NR2C1: variants seen among roughly 807,000 people sequenced by gnomAD.
The protein encoded by NR2C1 is TR2 nuclear hormone receptor.
In NR2C1, 33 loss-of-function variants were observed where a neutral mutation model predicts 74.8. The ratio of observed to expected loss-of-function variants is 0.44; its 90% CI spans 0.33 to 0.59. NR2C1 has a LOEUF of 0.59. Among genes scored for constraint, NR2C1 ranks in the 20% least tolerant of loss-of-function variants. NR2C1 has a pLI of 0.02. For synonymous variants in NR2C1, 225 were observed against 240.6 expected (o/e 0.94, Z 0.60); for missense variants, 568 against 715.6 (o/e 0.79, Z 2.35).
intron 3 of NR2C1, among the ~76,000 whole-genome samples, chr12:95,061,311 A>G (rs905396811): frequency 6.6e-6 from 1 of 152,226 alleles, no homozygotes; most frequent in Non-Finnish European, 1.5e-5. Context: ...TTCAGTTAAC[A>G]ATGTATCAGT....
intron 10 of NR2C1, among the ~76,000 whole-genome samples, chr12:95,034,226 A>G (rs1475786666): frequency 1.3e-5 from 2 of 152,190 alleles, no homozygotes; most frequent in African/African-American, 4.8e-5. Context: ...TTTTAACTTC[A>G]GGCTGATCTC....
chr12:95,045,040 C>A (rs889126037), intron 9 of NR2C1, among the ~76,000 whole-genome samples: 2 of 152,164 alleles, frequency 1.3e-5, no homozygotes, highest in Admixed American at 1.3e-4. Context: ...CTCATCTCCA[C>A]ACAAATAGAA....
chr12:95,049,152 A>G lies in NR2C1; in HGVS notation c.1047T>C (p.Ser349=), dbSNP rs767151002. 1 of 1,613,940 alleles carries G rather than the reference A, an allele frequency of 6.2e-7. No homozygotes were observed. Among genetic ancestry groups the G allele is most frequent in the African/African-American group, 1.3e-5 (1 of 74,904 alleles). ...TTGAATCTCCAGTGATTAGGTGTACACTTCCTTCCATGCCCGCTACTGAGC... is the reference window on the plus strand; with the variant it reads ...TTGAATCTCCAGTGATTAGGTGTACGCTTCCTTCCATGCCCGCTACTGAGC... ...CQSSVAGMEG[S]VHLITGDSSI... The change falls in exon 9 of 14, where the codon AGT becomes AGC. Residue 349 remains serine, a synonymous_variant. Transcript: ENST00000333003.
At chr12:95,057,496 T>A (rs1289751571) in intron 7 of NR2C1, 57 bp downstream of exon 7, 1 of 1,276,988 alleles carries the variant, frequency 7.8e-7, no homozygotes, top group African/African-American at 1.5e-5. Context: ...AGGAAGTGAT[T>A]AGAAAACATT....
chr12:95,031,413 T>C lies in NR2C1; in HGVS notation c.1329A>G (p.Gln443=). Residue 443 remains glutamine (Q), a synonymous_variant, in exon 11 of 14, where the codon CAA becomes CAG. Coordinates refer to ENST00000333003, the MANE Select transcript of NR2C1 (RefSeq NM_003297.4). ...LFTLGLAQCW[Q]VMNVATILAT... ...CTAATATAGTTGCTACATTCATCACTTGCCAGCACTGGGCAAGACCAAGAG... is the reference window on the plus strand; with the variant it reads ...CTAATATAGTTGCTACATTCATCACCTGCCAGCACTGGGCAAGACCAAGAG... 3.1e-6 allele frequency: 5 copies of C among 1,608,542 alleles called. No homozygotes were observed. Among genetic ancestry groups the C allele is most frequent in the South Asian group, 1.1e-5 (1 of 90,064 alleles).
At chr12:95,054,670 A>C (rs1873565050) in intron 7 of NR2C1, among the ~76,000 whole-genome samples, 2 of 152,220 alleles carry the variant, frequency 1.3e-5, no homozygotes, top group Non-Finnish European at 2.9e-5. Flanking sequence ...CATTAGTTAC[A>C]ATTTTAAATG....
At chr12:95,070,259 G>C (rs575317604) in intron 1 of NR2C1, among the ~76,000 whole-genome samples, 1 of 152,190 alleles carries the variant, frequency 6.6e-6, no homozygotes, top group East Asian at 1.9e-4. Context: ...AGCCTCCCGA[G>C]TAGCTGGGAT....
Position 95,062,639 on chromosome 12 carries a change from A to G in NR2C1, c.154T>C (p.Ser52Pro), listed in dbSNP as rs776254333. The part of the protein sequence containing the change: ...KQFILTNHDG[S>P]TPSKVILARQ... ...GCCAGAATGACTTTGCTTGGAGTAG[A>G]GCCGTCGTGATTTGTCAGAATGAAC... is the stretch of plus-strand genomic sequence containing the variant. Residue 52 changes from serine to proline, a missense_variant, in exon 3 of 14, where the codon TCT (serine) becomes CCT (proline). By Grantham distance (74) the Ser-to-Pro change is moderately conservative (BLOSUM62 -1). Transcript: ENST00000333003. 1.4e-5 allele frequency: 22 copies of G among 1,614,124 alleles called. No homozygotes were observed. The South Asian group carries it at 1.4e-4, about 10-fold the overall frequency.
rs576068607 is a variant in NR2C1 at position 95,053,158 on chromosome 12, G to A, written c.784-1215C>T. Among the ~76,000 whole-genome samples the A allele has an allele frequency of 7.9e-5, 12 of 152,040 alleles. No individual in the cohort carries two copies. The South Asian group carries it at 2.3e-3, about 29-fold the overall frequency. On this transcript the variant is annotated intron_variant, in intron 7 of 13. Transcript: ENST00000333003. ...CCAGCTAATTTTTTAATTTTTTGTAGAGATGGGGTTTCATCATGTTGCCCA... is the reference window on the plus strand; with the variant it reads ...CCAGCTAATTTTTTAATTTTTTGTAAAGATGGGGTTTCATCATGTTGCCCA...
At chr12:95,033,161 A>G (rs550078756) in intron 10 of NR2C1, among the ~76,000 whole-genome samples, 2 of 152,244 alleles carry the variant, frequency 1.3e-5, no homozygotes, top group South Asian at 4.1e-4. Context: ...AAAAAAAAAA[A>G]AAATTGAGAA....
Position 95,065,980 on chromosome 12 carries a change from T to A in NR2C1, c.54+1351A>T, listed in dbSNP as rs181432029. 2.0e-4 allele frequency among the ~76,000 whole-genome samples: 30 copies of A among 151,978 alleles called. No individual in the cohort carries two copies. In the East Asian group the frequency reaches 5.4e-3, roughly 27 times the overall value. ...AAAAAAAAAAAATTATTGACTATAG[T>A]CCCTCTGTTGTGCTATCAAATACTA... On this transcript the variant is annotated intron_variant, in intron 2 of 13. Transcript: ENST00000333003.
At chr12:95,062,801 CT>C in intron 2 of NR2C1, 63 bp from the exon 3 acceptor site, 1 of 1,283,668 alleles carries the variant, frequency 7.8e-7, no homozygotes, top group Non-Finnish European at 1.1e-6. Flanking sequence ...ACACAATTAT[CT>C]TCTTAGAAAA....
At chr12:95,046,512 C>G (rs780462114) in intron 9 of NR2C1, among the ~76,000 whole-genome samples, 45 of 152,214 alleles carry the variant, frequency 3.0e-4, no homozygotes, top group Non-Finnish European at 5.9e-4. Flanking sequence ...CCCTTGAGCC[C>G]AGGAGGTCGA....
intron 10 of NR2C1, among the ~76,000 whole-genome samples, chr12:95,035,477 G>A (rs1273256472): frequency 6.6e-6 from 1 of 152,142 alleles, no homozygotes; most frequent in African/African-American, 2.4e-5. Flanking sequence ...AAAAAAATCA[G>A]AGCTGGCTTG....
intron 9 of NR2C1, among the ~76,000 whole-genome samples, chr12:95,042,932 CAAAAAAA>C (rs869036674): frequency 1.5e-5 from 1 of 65,718 alleles, no homozygotes; most frequent in Non-Finnish European, 3.0e-5. Flanking sequence ...CCCATTTCTA[CAAAAAAA>C]AAAAAAAAAA....
In NR2C1 at chr12:95,051,809, G is replaced by C; in HGVS notation, c.918C>G (p.Thr306=). 1 of 1,608,170 alleles carries C rather than the reference G, an allele frequency of 6.2e-7. No homozygotes were observed. Among genetic ancestry groups the C allele is most frequent in the South Asian group, 1.1e-5 (1 of 90,004 alleles). ...GCATTTCTTGAAATTCACACAAAGA[G>C]GTATCATCATTGCTTAAGCTTTCAA... The part of the protein sequence containing the change: ...SMIESLSNDD[T]SLCEFQEMQT... The change falls in exon 8 of 14, where the codon ACC becomes ACG. Residue 306 remains threonine, a synonymous_variant. Coordinates refer to ENST00000333003, the MANE Select transcript of NR2C1 (RefSeq NM_003297.4).
intron 7 of NR2C1, among the ~76,000 whole-genome samples, chr12:95,056,776 G>C (rs917219960): frequency 6.6e-6 from 1 of 152,068 alleles, no homozygotes; most frequent in Non-Finnish European, 1.5e-5. Flanking sequence ...GGCTAACAAG[G>C]TGAAACCCCG....
At chr12:95,035,961 C>A (rs927779461) in intron 10 of NR2C1, among the ~76,000 whole-genome samples, 1 of 152,170 alleles carries the variant, frequency 6.6e-6, no homozygotes, top group Non-Finnish European at 1.5e-5. Context: ...ATTTAAGTTA[C>A]GTGGTCCAAA....
intron 3 of NR2C1, among the ~76,000 whole-genome samples, chr12:95,061,285 CTAAACACCTATAAACTTCAGT>C (rs1230749263): frequency 1.3e-5 from 2 of 152,166 alleles, no homozygotes; most frequent in African/African-American, 2.4e-5. Context: ...TAAGGAAAGT[CTAAACACCTATAAACTTCAGT>C]TAACAATGTA....
Sources: allele counts gnomAD v4.1 joint callset (sites outside exome capture counted in the v4.1 genomes callset), GRCh38; gene constraint gnomAD v4.1.1; transcripts MANE v1.5; gene names NCBI Gene and HGNC (gene_info 2026-07-23, HGNC 2026-07-21).